Variants in DPP10 observed in about 807,000 individuals in gnomAD.
DPP10 encodes inactive dipeptidyl peptidase 10.
DPP10 carries 33 observed loss-of-function variants against 120.9 expected under a neutral mutation model. The observed-to-expected ratio is 0.27, with a 90% CI of 0.21 to 0.37. The LOEUF (loss-of-function observed/expected upper bound fraction) is 0.37. Among genes scored for constraint, DPP10 ranks in the 10% least tolerant of loss-of-function variants. DPP10 has a pLI of 1.00. For synonymous variants in DPP10, 337 were observed against 326.1 expected (o/e 1.03, Z -0.36); for missense variants, 816 against 942.8 (o/e 0.87, Z 1.76).
chr2:115,692,927 A>G (rs1053055678), intron 7 of DPP10, among the ~76,000 whole-genome samples: 4 of 152,182 alleles, frequency 2.6e-5, no homozygotes, highest in Non-Finnish European at 5.9e-5. Flanking sequence ...CTGTGGCTAA[A>G]TAAGGTTTCC....
At chr2:114,834,138 A>C (rs1209099154) in intron 1 of DPP10, 2 of 151,756 alleles carry the variant, frequency 1.3e-5, no homozygotes, top group African/African-American at 2.4e-5. Flanking sequence ...ATGTATATAT[A>C]AGCCATATCT....
chr2:115,786,887 A>G (rs552884942), intron 17 of DPP10, among the ~76,000 whole-genome samples: 16 of 152,316 alleles, frequency 1.1e-4, no homozygotes, highest in African/African-American at 3.4e-4. Flanking sequence ...ACCCTGAATC[A>G]GCTGCTGAAA....
chr2:115,691,078 T>C (rs1437225274), intron 7 of DPP10, among the ~76,000 whole-genome samples: 1 of 152,218 alleles, frequency 6.6e-6, no homozygotes, highest in Non-Finnish European at 1.5e-5. Context: ...ATATGTGAAA[T>C]ATCTATTCAT....
chr2:114,740,205 T>C (rs1040484598), intron 1 of DPP10, among the ~76,000 whole-genome samples: 1 of 151,460 alleles, frequency 6.6e-6, no homozygotes, highest in Non-Finnish European at 1.5e-5. Flanking sequence ...ATGTCCTTTG[T>C]AGGGACATGG....
rs562146682 is a variant in DPP10, at chr2:115,840,871, C to T, written c.2256+48C>T. On this transcript the variant is annotated intron_variant, in intron 25 of 25. Coordinates refer to ENST00000410059, the MANE Select transcript of DPP10 (RefSeq NM_020868.6). ...CGTGTTTTCCTGCTGTGTTTTTTCACTTGTGAGATACGCAACACAGCTTCT... is the reference window on the plus strand; with the variant it reads ...CGTGTTTTCCTGCTGTGTTTTTTCATTTGTGAGATACGCAACACAGCTTCT... 225 of 1,509,416 alleles carry T rather than the reference C, an allele frequency of 1.5e-4. 4 individuals carry two copies. The South Asian group carries it at 2.6e-3, about 17-fold the overall frequency. The allele number at this position is 1,509,416 out of a possible 1,614,324, so 93.5% of individuals were successfully genotyped here.
At chr2:115,064,867 C>T (rs1706716511) in intron 1 of DPP10, 1 of 1,297,440 alleles carries the variant, frequency 7.7e-7, no homozygotes, top group Non-Finnish European at 1.0e-6. Context: ...GATTGGGTTT[C>T]ATTTATTTTA....
intron 1 of DPP10, among the ~76,000 whole-genome samples, chr2:114,575,205 G>A (rs1394587043): frequency 6.6e-6 from 1 of 151,916 alleles, no homozygotes; most frequent in East Asian, 1.9e-4. Context: ...CGAAGAAGAA[G>A]GAAGCAAAAG....
chr2:114,788,909 A>C (rs1051061650), intron 1 of DPP10, among the ~76,000 whole-genome samples: 2 of 152,120 alleles, frequency 1.3e-5, no homozygotes, highest in Non-Finnish European at 2.9e-5. Context: ...TTAGCAAGCA[A>C]AGCATTTTCA....
At chr2:115,169,124 G>A (rs959740450) in intron 1 of DPP10, among the ~76,000 whole-genome samples, 2 of 152,086 alleles carry the variant, frequency 1.3e-5, no homozygotes, top group Non-Finnish European at 2.9e-5. Context: ...TGAGAACAAG[G>A]TCAAACAGAT....
chr2:115,324,663 T>G (rs2062249769), intron 2 of DPP10, among the ~76,000 whole-genome samples: 1 of 152,218 alleles, frequency 6.6e-6, no homozygotes, highest in Non-Finnish European at 1.5e-5. Context: ...AAGCCTGTTT[T>G]GTTTTTCTAT....
At chr2:115,656,468 C>T (rs868529526) in intron 5 of DPP10, among the ~76,000 whole-genome samples, 12 of 151,556 alleles carry the variant, frequency 7.9e-5, no homozygotes, top group African/African-American at 2.4e-4. Flanking sequence ...TTTGTACAAA[C>T]CTCTCTTCCC....
At chr2:115,407,288 C>T (rs758157764) in intron 3 of DPP10, among the ~76,000 whole-genome samples, 22 of 152,184 alleles carry the variant, frequency 1.4e-4, no homozygotes, top group East Asian at 5.8e-4. Flanking sequence ...CAGCCTCAGG[C>T]GGGGTTTTGC....
rs546288034 is a variant in DPP10, at chr2:115,296,588, C to T, written c.61-12651C>T. ...ACCTGGATCTTATTTAACTGGGAAACGGCCAGGATAGATTTGATCTTTAGC... is the reference window on the plus strand; with the variant it reads ...ACCTGGATCTTATTTAACTGGGAAATGGCCAGGATAGATTTGATCTTTAGC... On this transcript the variant is annotated intron_variant, in intron 1 of 25. Transcript: ENST00000410059. 7.8e-4 allele frequency among the ~76,000 whole-genome samples: 118 copies of T among 152,132 alleles called. 1 individual carries two copies. The highest frequency in any genetic ancestry group is 2.6e-3 in the African/African-American group (109 of 41,534).
At chr2:115,626,890 T>G (rs2085410366) in intron 5 of DPP10, among the ~76,000 whole-genome samples, 1 of 152,216 alleles carries the variant, frequency 6.6e-6, no homozygotes. Flanking sequence ...TATTGATTTC[T>G]AAATACCACT....
chr2:115,334,230 G>GGTTTTTTTTTTTTTTTTTTTT (rs1553554643), intron 2 of DPP10, among the ~76,000 whole-genome samples: 1 of 56,412 alleles, frequency 1.8e-5, no homozygotes, highest in African/African-American at 4.9e-5. Flanking sequence ...AGCAGACTCT[G>GGTTTTTTTTTTTTTTTTTTTT]TTTTTTTTTT....
At chr2:115,565,717 ATAT>A (rs1488379530) in intron 5 of DPP10, among the ~76,000 whole-genome samples, 7 of 146,562 alleles carry the variant, frequency 4.8e-5, no homozygotes, top group African/African-American at 1.8e-4. Flanking sequence ...GGTTTGCCTG[ATAT>A]TATCTTGTGA....
chr2:115,060,729 T>C (rs1706335670), intron 1 of DPP10, among the ~76,000 whole-genome samples: 1 of 152,248 alleles, frequency 6.6e-6, no homozygotes, highest in Non-Finnish European at 1.5e-5. Flanking sequence ...ACAGGTTTCA[T>C]TGGATCACGT....
chr2:115,577,736 C>T (rs1368527926), intron 5 of DPP10, among the ~76,000 whole-genome samples: 1 of 151,994 alleles, frequency 6.6e-6, no homozygotes, highest in Non-Finnish European at 1.5e-5. Context: ...TTGTAGATGG[C>T]CATTTTCTCC....
intron 1 of DPP10, among the ~76,000 whole-genome samples, chr2:114,451,105 T>G (rs1678250214): frequency 6.6e-6 from 1 of 150,930 alleles, no homozygotes; most frequent in Admixed American, 6.6e-5. Flanking sequence ...TTTTTTTTTT[T>G]GATTCAGTGA....
Sources: allele counts gnomAD v4.1 joint callset (sites outside exome capture counted in the v4.1 genomes callset), GRCh38; gene constraint gnomAD v4.1.1; transcripts MANE v1.5; gene names NCBI Gene and HGNC (gene_info 2026-07-23, HGNC 2026-07-21).